The following FRMPD4 variants were observed in gnomAD, a reference collection of about 807,000 sequenced individuals.
The protein encoded by FRMPD4 is FERM and PDZ domain-containing protein 4.
In FRMPD4, 22 loss-of-function variants were observed where a neutral mutation model predicts 94.1. The ratio of observed to expected loss-of-function variants is 0.23; its 90% confidence interval spans 0.17 to 0.33. The LOEUF (loss-of-function observed/expected upper bound fraction) is 0.33, where lower values mean the gene tolerates loss of function less well. Ranked by LOEUF, FRMPD4 falls within the 10% of genes least tolerant of loss-of-function variation. The pLI, the probability that FRMPD4 is intolerant of heterozygous loss-of-function variation, is 1.00. For synonymous variants in FRMPD4, 631 were observed against 548.6 expected, an observed-to-expected ratio of 1.15 and a Z score of -2.10; for missense variants, 1,111 against 1,339.9, an observed-to-expected ratio of 0.83 and a Z score of 2.67.
chrX:12,213,882 G>C lies in FRMPD4; in HGVS notation c.41+74870G>C, dbSNP rs763850722. 4.5e-5 allele frequency among the ~76,000 whole-genome samples: 5 copies of C among 112,027 alleles called. No individual in the cohort carries two copies. In the East Asian group the frequency reaches 1.4e-3, roughly 31 times the overall value. On this transcript the variant is annotated intron_variant, in intron 1 of 16. Coordinates refer to ENST00000675598, the MANE Select transcript of FRMPD4 (RefSeq NM_001368397.1). ...GTGTTTCATTTATTCTTAAAATTCTGTCTTACTATTAGATGTATATTGAAG... is the reference window on the plus strand; with the variant it reads ...GTGTTTCATTTATTCTTAAAATTCTCTCTTACTATTAGATGTATATTGAAG...
At chrX:12,385,586 G>A (rs950811652) in intron 1 of FRMPD4, among the ~76,000 whole-genome samples, 9 of 112,374 alleles carry the variant, frequency 8.0e-5, no homozygotes, top group Non-Finnish European at 1.3e-4. Context: ...GAGTGGAAAC[G>A]CCAATCAACA....
At chrX:11,975,126 C>T (rs189842382) in intron 3 of FRMPD4, among the ~76,000 whole-genome samples, 56 of 111,713 alleles carry the variant, frequency 5.0e-4, no homozygotes, top group African/African-American at 1.8e-3. Context: ...AGAGCCTGAT[C>T]GGCATGAATG....
At chrX:12,413,344 G>A (rs1454708258) in intron 1 of FRMPD4, among the ~76,000 whole-genome samples, 1 of 111,999 alleles carries the variant, frequency 8.9e-6, no homozygotes, top group Non-Finnish European at 1.9e-5. Context: ...TTGACTGTTT[G>A]TTTTCTCTTC....
intron 1 of FRMPD4, among the ~76,000 whole-genome samples, chrX:12,405,652 T>C (rs140666929): frequency 2.3e-4 from 26 of 112,034 alleles, no homozygotes; most frequent in African/African-American, 8.4e-4. Context: ...TTCGAACCTG[T>C]ACCCAGGAGC....
intron 3 of FRMPD4, among the ~76,000 whole-genome samples, chrX:12,058,987 C>T (rs2054870339): frequency 1.1e-5 from 1 of 92,351 alleles, no homozygotes; most frequent in African/African-American, 3.7e-5. Context: ...GTCTCTAAAC[C>T]TATTTTATTC....
intron 1 of FRMPD4, among the ~76,000 whole-genome samples, chrX:12,471,222 A>G (rs923124160): frequency 8.9e-6 from 1 of 111,981 alleles, no homozygotes; most frequent in African/African-American, 3.2e-5. Flanking sequence ...GAAATGCCCG[A>G]CAGAAACAGA....
intron 1 of FRMPD4, among the ~76,000 whole-genome samples, chrX:12,159,986 C>A (rs968310741): frequency 5.4e-5 from 6 of 110,515 alleles, no homozygotes; most frequent in Admixed American, 3.9e-4. Context: ...TCTAAACCTC[C>A]GAGGGGAAGT....
chrX:11,989,803 A>G (rs2054454301), intron 3 of FRMPD4, among the ~76,000 whole-genome samples: 1 of 111,511 alleles, frequency 9.0e-6, no homozygotes, highest in Admixed American at 9.5e-5. Context: ...TAAAACATAT[A>G]TAAAAATAAT....
At chrX:12,259,845 G>A (rs957349736) in intron 1 of FRMPD4, among the ~76,000 whole-genome samples, 10 of 111,205 alleles carry the variant, frequency 9.0e-5, no homozygotes, top group African/African-American at 3.3e-4. Context: ...ATCTTCTGCT[G>A]AATTTGACCC....
At chrX:11,896,235 C>T (rs1298517898) in intron 3 of FRMPD4, among the ~76,000 whole-genome samples, 2 of 112,275 alleles carry the variant, frequency 1.8e-5, no homozygotes, top group Admixed American at 9.4e-5. Flanking sequence ...CCACATGACT[C>T]GTTTTCACCT....
At chrX:12,189,811 A>T (rs2056469067) in intron 1 of FRMPD4, among the ~76,000 whole-genome samples, 1 of 111,583 alleles carries the variant, frequency 9.0e-6, no homozygotes, top group South Asian at 3.7e-4. Context: ...TCTTACTAAG[A>T]TCAGGAATGA....
At chrX:11,874,299 G>A (rs2053771662) in intron 2 of FRMPD4, among the ~76,000 whole-genome samples, 1 of 111,637 alleles carries the variant, frequency 9.0e-6, no homozygotes, top group African/African-American at 3.3e-5. Flanking sequence ...CAGGATGAAT[G>A]CCACCATGAC....
At chrX:11,842,824 G>A (rs935591844) in intron 1 of FRMPD4, among the ~76,000 whole-genome samples, 3 of 103,790 alleles carry the variant, frequency 2.9e-5, no homozygotes, top group Non-Finnish European at 5.9e-5. Context: ...CCTGTCTTGT[G>A]CCAGTTTTCA....
intron 1 of FRMPD4, among the ~76,000 whole-genome samples, chrX:12,389,164 T>C (rs758818131): frequency 4.6e-5 from 5 of 109,349 alleles, no homozygotes; most frequent in Non-Finnish European, 1.9e-5. Context: ...AATAATAGTG[T>C]ACTGTACATT....
At chrX:12,056,849 T>A (rs949302053) in intron 3 of FRMPD4, among the ~76,000 whole-genome samples, 1 of 111,986 alleles carries the variant, frequency 8.9e-6, no homozygotes, top group Non-Finnish European at 1.9e-5. Flanking sequence ...ATGGGGTGTT[T>A]CTATGTTTTA....
chrX:12,542,889 A>G (rs1023732264), intron 2 of FRMPD4, among the ~76,000 whole-genome samples: 2 of 112,188 alleles, frequency 1.8e-5, no homozygotes, highest in African/African-American at 6.5e-5. Context: ...ATCTAAACAG[A>G]GATACAGACC....
At chrX:12,539,162 C>T (rs776174309) in intron 2 of FRMPD4, among the ~76,000 whole-genome samples, 28 of 112,003 alleles carry the variant, frequency 2.5e-4, no homozygotes, top group Middle Eastern at 4.6e-3. Context: ...GTAGCCGATT[C>T]GATCAACTGG....
At chrX:12,041,261 GTTCCTACTTTC>G (rs1364059760) in intron 3 of FRMPD4, among the ~76,000 whole-genome samples, 1 of 112,016 alleles carries the variant, frequency 8.9e-6, no homozygotes, top group Non-Finnish European at 1.9e-5. Flanking sequence ...ATGGTTCAGT[GTTCCTACTTTC>G]TTCCTATGAA....
chrX:11,846,819 G>A (rs1455707052), intron 1 of FRMPD4, among the ~76,000 whole-genome samples: 1 of 110,785 alleles, frequency 9.0e-6, no homozygotes, highest in Non-Finnish European at 1.9e-5. Context: ...GGGAAAACTG[G>A]CTAGCCATAT....
Sources: gnomAD v4.1 joint callset for allele counts (sites outside exome capture counted in the v4.1 genomes callset) on GRCh38, gnomAD v4.1.1 for gene constraint, MANE v1.5 for transcripts, NCBI Gene and HGNC (gene_info 2026-07-23, HGNC 2026-07-21) for gene names.